The following DCAF7 variants were observed in gnomAD, a reference collection of about 807,000 sequenced individuals.
The protein encoded by DCAF7 is DDB1- and CUL4-associated factor 7.
Under a neutral mutation model 41.2 loss-of-function variants are expected in DCAF7, and 4 were observed. That is an observed-to-expected ratio of 0.10 (90% CI 0.05 to 0.22). The LOEUF is 0.22. Among genes scored for constraint, DCAF7 ranks in the 10% least tolerant of loss-of-function variants. DCAF7 has a pLI of 1.00. For synonymous variants in DCAF7, 143 were observed against 164.2 expected (o/e 0.87, Z 0.99); for missense variants, 131 against 443.2 (o/e 0.30, Z 6.32).
intron 1 of DCAF7, among the ~76,000 whole-genome samples, chr17:63,562,947 C>G (rs961443069): frequency 2.8e-4 from 43 of 152,074 alleles, no homozygotes; most frequent in South Asian, 2.1e-4. Context: ...ACCTCAGCCT[C>G]CCAAGTTGCT....
chr17:63,565,042 G>T (rs1186288370), intron 1 of DCAF7, among the ~76,000 whole-genome samples: 1 of 152,200 alleles, frequency 6.6e-6, no homozygotes, highest in East Asian at 1.9e-4. Context: ...GAGGACCAAG[G>T]TGTCAGGATT....
chr17:63,572,050 G>T (rs1010434634), intron 1 of DCAF7, among the ~76,000 whole-genome samples: 8 of 152,094 alleles, frequency 5.3e-5, no homozygotes, highest in Non-Finnish European at 8.8e-5. Flanking sequence ...GGCACTATGG[G>T]ATTAGTCACC....
chr17:63,566,292 A>C (rs2147765912), intron 1 of DCAF7, among the ~76,000 whole-genome samples: 1 of 151,952 alleles, frequency 6.6e-6, no homozygotes, highest in East Asian at 1.9e-4. Flanking sequence ...AATGGCGTGA[A>C]CCTGGGAGGC....
rs2033731415 is a variant in DCAF7, at chr17:63,591,333, T to C, written c.*2161T>C. ...GGTCTGTATGGTGGAATTTGTCAGC[T>C]GGAACTCAGAAACAACAACTTGAAA... On this transcript the variant is annotated 3_prime_UTR_variant, in exon 7 of 7. Transcript: ENST00000614556. 1 of 152,208 alleles carries C rather than the reference T, an allele frequency of 6.6e-6. No individual in the cohort carries two copies. Among genetic ancestry groups the C allele is most frequent in the African/African-American group, 2.4e-5 (1 of 41,420 alleles). The allele number at this position is 152,208 out of a possible 1,614,324, so 9.4% of individuals were successfully genotyped here.
intron 4 of DCAF7, among the ~76,000 whole-genome samples, chr17:63,580,986 C>T (rs948730731): frequency 2.4e-4 from 36 of 152,138 alleles, no homozygotes; most frequent in African/African-American, 8.2e-4. Context: ...AATATCTATA[C>T]AGATAAAAGG....
At chr17:63,578,441 T>C in intron 1 of DCAF7, 29 bp from the exon 2 acceptor site, 16 of 1,613,796 alleles carry the variant, frequency 9.9e-6, no homozygotes, top group Non-Finnish European at 1.3e-5. Flanking sequence ...TCACAAATGC[T>C]TATGTGGCTC....
At chr17:63,565,928 C>T (rs991914706) in intron 1 of DCAF7, among the ~76,000 whole-genome samples, 3 of 152,046 alleles carry the variant, frequency 2.0e-5, no homozygotes, top group Non-Finnish European at 4.4e-5. Context: ...TGGCGAAACC[C>T]TGTCTCTACT....
At chr17:63,552,225 T>A (rs1218134880) in intron 1 of DCAF7, 1 of 152,100 alleles carries the variant, frequency 6.6e-6, no homozygotes, top group African/African-American at 2.4e-5. Flanking sequence ...ACGGAAGGGG[T>A]TCTGGTTTAC....
chr17:63,556,436 G>A (rs2033312169), intron 1 of DCAF7, among the ~76,000 whole-genome samples: 1 of 152,170 alleles, frequency 6.6e-6, no homozygotes. Context: ...AGACATGGTG[G>A]CACATGCCTG....
In DCAF7 at chr17:63,589,145, C is replaced by T; in HGVS notation, c.1002C>T (p.Asn334=). 1 of 1,614,002 alleles carries T rather than the reference C, an allele frequency of 6.2e-7. No homozygotes were observed. The highest frequency in any genetic ancestry group is 8.5e-7 in the Non-Finnish European group (1 of 1,179,886). Residue 334 remains asparagine (N), a synonymous_variant, in exon 7 of 7, where the codon AAC becomes AAT. Transcript: ENST00000614556. The part of the protein sequence containing the change: ...TQPDWIAICY[N]NCLEILRV ...CCGACTGGATCGCCATCTGCTACAA[C>T]AACTGCCTGGAGATACTCAGAGTGT...
In DCAF7 at chr17:63,579,715, A is replaced by G. The variant is rs113289147; in HGVS notation, c.410-110A>G. Reference sequence around the variant, plus strand: ...CGGTAGCCCCCACCTTGTTTTCTGTAGTCTTTATGGTATGCTGCTCCCTGG... The same window carrying G: ...CGGTAGCCCCCACCTTGTTTTCTGTGGTCTTTATGGTATGCTGCTCCCTGG... On this transcript the variant is annotated intron_variant, in intron 3 of 6. Coordinates refer to ENST00000614556, the MANE Select transcript of DCAF7 (RefSeq NM_005828.5). 3,473 of 938,410 alleles carry G rather than the reference A, an allele frequency of 3.7e-3. 89 individuals are homozygous for G. In the African/African-American group the frequency reaches 0.05, roughly 14 times the overall value. 58.1% of individuals were successfully genotyped at this position (938,410 alleles called of 1,614,324 possible). A position where few individuals can be genotyped will look rare whatever the true frequency, so the allele number is the denominator to read the frequency against.
intron 1 of DCAF7, among the ~76,000 whole-genome samples, chr17:63,568,083 T>G (rs1402534506): frequency 6.6e-6 from 1 of 152,104 alleles, no homozygotes; most frequent in African/African-American, 2.4e-5. Context: ...TGCAGTGGCG[T>G]GATCTCAGCT....
At chr17:63,573,544 G>A (rs1369514653) in intron 1 of DCAF7, among the ~76,000 whole-genome samples, 1 of 151,894 alleles carries the variant, frequency 6.6e-6, no homozygotes. Flanking sequence ...GACCGACATG[G>A]TGAAACCCCA....
intron 5 of DCAF7, among the ~76,000 whole-genome samples, 178 bp downstream of exon 5, chr17:63,583,889 G>C (rs757814371): frequency 6.6e-5 from 10 of 152,196 alleles, no homozygotes; most frequent in Non-Finnish European, 1.3e-4. Flanking sequence ...CATCTAGGGG[G>C]TAGAGACCAG....
chr17:63,551,774 C>T (rs934680482), intron 1 of DCAF7, among the ~76,000 whole-genome samples: 1 of 151,502 alleles, frequency 6.6e-6, no homozygotes, highest in Non-Finnish European at 1.5e-5. Flanking sequence ...TGGCCGGGCG[C>T]GGTGGCTCAC....
chr17:63,550,849 G>A lies in DCAF7; in HGVS notation c.138+34G>A. On this transcript the variant is annotated intron_variant, in intron 1 of 6. Transcript: ENST00000614556. The surrounding 1 kb of genome is among the most constrained non-coding windows in gnomAD (Gnocchi z 4.8). ...GGCAGGGGCTCGGAACCCAGCTGGC[G>A]GGGAGCGGGCCCCGGGAGCGCCCTT... 6.2e-7 allele frequency: 1 copy of A among 1,602,536 alleles called. No homozygotes were observed. Among genetic ancestry groups the A allele is most frequent in the Non-Finnish European group, 8.5e-7 (1 of 1,174,452 alleles).
chr17:63,578,657 C>A, intron 2 of DCAF7, 29 bp downstream of exon 2: 1 of 1,613,582 alleles, frequency 6.2e-7, no homozygotes, highest in Non-Finnish European at 8.5e-7. Context: ...AGCAGCCAGA[C>A]AAGTGGGCTT....
At chr17:63,571,143 G>GC (rs1486767869) in intron 1 of DCAF7, among the ~76,000 whole-genome samples, 2 of 151,780 alleles carry the variant, frequency 1.3e-5, no homozygotes, top group Admixed American at 6.6e-5. Context: ...CCAAGATCGT[G>GC]CCACTGCATT....
At position 63,578,592 on chromosome 17, in the gene DCAF7, A is replaced by T; in HGVS notation, c.261A>T (p.Leu87=). Residue 87 remains leucine, a synonymous_variant, in exon 2 of 7, where the codon CTA becomes CTT. Coordinates refer to ENST00000614556, the MANE Select transcript of DCAF7 (RefSeq NM_005828.5). ...ACACAAAAGGCGTCTATCCAGACCTACTGGCAACAAGCGGTGACTATCTCC... is the reference window on the plus strand; with the variant it reads ...ACACAAAAGGCGTCTATCCAGACCTTCTGGCAACAAGCGGTGACTATCTCC... ...IPDTKGVYPD[L]LATSGDYLRV... is the part of the protein sequence containing the mutation. 9 of 1,614,024 alleles carry T rather than the reference A, an allele frequency of 5.6e-6. No homozygotes were observed. Among genetic ancestry groups the T allele is most frequent in the Non-Finnish European group, 7.6e-6 (9 of 1,179,874 alleles).
Sources: gnomAD v4.1 joint callset for allele counts (sites outside exome capture counted in the v4.1 genomes callset) on GRCh38, gnomAD v4.1.1 for gene constraint, Gnocchi (gnomAD v3.1) non-coding constraint, MANE v1.5 for transcripts, NCBI Gene and HGNC (gene_info 2026-07-23, HGNC 2026-07-21) for gene names.